GRK3: variants seen among roughly 807,000 people sequenced by gnomAD.
GRK3 encodes adrenergic, beta, receptor kinase 2.
A neutral mutation model predicts 95.7 loss-of-function variants in GRK3; 54 were observed. That is an observed-to-expected ratio of 0.56 (90% CI 0.45 to 0.71). The LOEUF (loss-of-function observed/expected upper bound fraction) is 0.71, where lower values mean the gene tolerates loss of function less well. GRK3 is among the 30% of genes least tolerant of loss of function. The probability of loss-of-function intolerance (pLI) is 0.00; values close to 1 mark genes in which losing one functional copy is unlikely to be tolerated. For missense variants in GRK3, 649 were observed against 851.2 expected (o/e 0.76, Z 2.96); for synonymous variants, 281 against 290.8 (o/e 0.97, Z 0.34).
chr22:25,598,969 C>A (rs575583575), intron 1 of GRK3, among the ~76,000 whole-genome samples: 4 of 151,930 alleles, frequency 2.6e-5, no homozygotes, highest in Non-Finnish European at 5.9e-5. Context: ...GGAATTTCAA[C>A]AAAATGATGC....
intron 5 of GRK3, among the ~76,000 whole-genome samples, chr22:25,665,795 T>C (rs568156632): frequency 2.0e-5 from 3 of 152,354 alleles, no homozygotes; most frequent in South Asian, 2.1e-4. Flanking sequence ...TTGAAGTTCA[T>C]AGTAAAACAA....
intron 1 of GRK3, among the ~76,000 whole-genome samples, chr22:25,602,636 C>T (rs556767317): frequency 5.9e-5 from 9 of 152,186 alleles, no homozygotes; most frequent in East Asian, 5.8e-4. Flanking sequence ...TAGAAAGGAA[C>T]GAAATACTTA....
At chr22:25,675,907 G>C (rs1164975181) in intron 8 of GRK3, among the ~76,000 whole-genome samples, 1 of 152,204 alleles carries the variant, frequency 6.6e-6, no homozygotes, top group Non-Finnish European at 1.5e-5. Context: ...AAGCAATGTA[G>C]CCTAGGGATC....
At chr22:25,612,672 C>T (rs1482701461) in intron 2 of GRK3, among the ~76,000 whole-genome samples, 1 of 151,592 alleles carries the variant, frequency 6.6e-6, no homozygotes, top group African/African-American at 2.4e-5. Context: ...TTAAGTTGGT[C>T]TCAAACATAT....
At chr22:25,667,689 TGA>T (rs758625859) in intron 5 of GRK3, 48 bp from the exon 6 acceptor site, 1 of 1,355,224 alleles carries the variant, frequency 7.4e-7, no homozygotes, top group East Asian at 2.3e-5. Flanking sequence ...TGTGTTTTTT[TGA>T]TACATTCCGA....
intron 12 of GRK3, among the ~76,000 whole-genome samples, chr22:25,693,659 T>A (rs1383403324): frequency 6.6e-6 from 1 of 152,002 alleles, no homozygotes; most frequent in Non-Finnish European, 1.5e-5. Flanking sequence ...AACTCTCAAA[T>A]ACACCTCTTA....
At chr22:25,718,187 C>T (rs1190642420) in intron 18 of GRK3, 58 bp from the exon 19 acceptor site, 3 of 1,550,058 alleles carry the variant, frequency 1.9e-6, no homozygotes, top group Non-Finnish European at 2.6e-6. Context: ...GAGAATAATG[C>T]TGCTAAGACA....
chr22:25,672,258 A>G, intron 6 of GRK3, 38 bp from the exon 7 acceptor site: 1 of 994,626 alleles, frequency 1.0e-6, no homozygotes, highest in African/African-American at 1.6e-5. Flanking sequence ...AGTTAATTTG[A>G]TATTTAACTT....
At chr22:25,699,500 T>C (rs1316136894) in intron 13 of GRK3, among the ~76,000 whole-genome samples, 1 of 151,954 alleles carries the variant, frequency 6.6e-6, no homozygotes, top group African/African-American at 2.4e-5. Flanking sequence ...AGGATGCTGC[T>C]CAACATCCTA....
rs60160736 is a variant in GRK3 at position 25,715,473 on chromosome 22, C to A, written c.1654+903C>A. 6.1e-3 allele frequency among the ~76,000 whole-genome samples: 919 copies of A among 151,872 alleles called. 15 individuals are homozygous for A. Among genetic ancestry groups the A allele is most frequent in the African/African-American group, 0.021 (874 of 41,404 alleles). On this transcript the variant is annotated intron_variant, in intron 18 of 20. Coordinates refer to ENST00000324198, the MANE Select transcript of GRK3 (RefSeq NM_005160.4). ...GCAGTGAGCTGAGATTGTGCCACTG[C>A]ACTCTAGCCTGGGTGACACAGCGAG... is the stretch of plus-strand genomic sequence containing the variant.
intron 4 of GRK3, 91 bp downstream of exon 4, chr22:25,661,768 G>GC: frequency 1.2e-6 from 1 of 808,510 alleles, no homozygotes; most frequent in Non-Finnish European, 1.9e-6. Context: ...CAGTAGAAAG[G>GC]TGTTTAAAAT....
chr22:25,725,472 C>G lies in GRK3; in HGVS notation c.*3022C>G. ...TATTATTTTTAACCTAAAACATTCT[C>G]TTTGGTTCATTCATCCCCTCATGTC... On this transcript the variant is annotated 3_prime_UTR_variant, in exon 21 of 21. Coordinates refer to ENST00000324198, the MANE Select transcript of GRK3 (RefSeq NM_005160.4). 2.5e-6 allele frequency: 1 copy of G among 398,334 alleles called. No individual in the cohort carries two copies. Among genetic ancestry groups the G allele is most frequent in the Non-Finnish European group, 4.4e-6 (1 of 225,972 alleles). 24.7% of individuals were successfully genotyped at this position (398,334 alleles called of 1,614,324 possible).
chr22:25,650,727 A>C (rs1463006115), intron 3 of GRK3, among the ~76,000 whole-genome samples: 1 of 152,248 alleles, frequency 6.6e-6, no homozygotes, highest in Non-Finnish European at 1.5e-5. Flanking sequence ...TTTAAGAGTT[A>C]TAAGGTATAA....
In GRK3 at chr22:25,724,414, C is replaced by A. The variant is rs1418374293; in HGVS notation, c.*1964C>A. 6.6e-6 allele frequency: 1 copy of A among 152,194 alleles called. No individual in the cohort carries two copies. Among genetic ancestry groups the A allele is most frequent in the African/African-American group, 2.4e-5 (1 of 41,448 alleles). 9.4% of individuals were successfully genotyped at this position (152,194 alleles called of 1,614,324 possible). ...CACAAACGTGTTCAGAAAGATTATT[C>A]AACTTTCCCATACTTGTTCTAAAAT... On this transcript the variant is annotated 3_prime_UTR_variant, in exon 21 of 21. Coordinates refer to ENST00000324198, the MANE Select transcript of GRK3 (RefSeq NM_005160.4).
rs575041703 is a variant in GRK3, at chr22:25,675,673, G to T, written c.647+1145G>T. Among the ~76,000 whole-genome samples, 8 of 152,340 alleles carry T rather than the reference G, an allele frequency of 5.3e-5. No homozygotes were observed. The East Asian group carries it at 1.5e-3, about 29-fold the overall frequency. ...TTTGAGGCCCCCTAATTCAGTGCCTGCCTCCGGTCAGCCTCTGCTCAGGCA... is the reference window on the plus strand; with the variant it reads ...TTTGAGGCCCCCTAATTCAGTGCCTTCCTCCGGTCAGCCTCTGCTCAGGCA... On this transcript the variant is annotated intron_variant, in intron 8 of 20. Coordinates refer to ENST00000324198, the MANE Select transcript of GRK3 (RefSeq NM_005160.4).
intron 15 of GRK3, among the ~76,000 whole-genome samples, chr22:25,706,844 A>G (rs1601541326): frequency 6.6e-6 from 1 of 152,048 alleles, no homozygotes; most frequent in East Asian, 1.9e-4. Context: ...TTTAAAAGTG[A>G]TAGTATCTCA....
chr22:25,677,494 AAAT>A (rs2085041051), intron 8 of GRK3, among the ~76,000 whole-genome samples: 1 of 152,266 alleles, frequency 6.6e-6, no homozygotes, highest in Non-Finnish European at 1.5e-5. Context: ...TTTTAAATAA[AAAT>A]AAGATATTTG....
intron 1 of GRK3, among the ~76,000 whole-genome samples, chr22:25,591,044 C>T (rs1242352965): frequency 2.6e-5 from 4 of 152,110 alleles, no homozygotes; most frequent in Non-Finnish European, 5.9e-5. Context: ...GTTAAGGGCT[C>T]ATTCCCACAA....
intron 16 of GRK3, among the ~76,000 whole-genome samples, 198 bp from the exon 17 acceptor site, chr22:25,710,870 A>G (rs1011544978): frequency 3.9e-5 from 6 of 152,260 alleles, no homozygotes; most frequent in African/African-American, 1.4e-4. Context: ...TGTCTAAAAT[A>G]TAGGGCCTTC....
Sources: allele counts gnomAD v4.1 joint callset (sites outside exome capture counted in the v4.1 genomes callset), GRCh38; gene constraint gnomAD v4.1.1; transcripts MANE v1.5; gene names NCBI Gene and HGNC (gene_info 2026-07-23, HGNC 2026-07-21).